The following PSKH1 variants were observed in gnomAD, a reference collection of about 807,000 sequenced individuals.
PSKH1 encodes the protein serine/threonine-protein kinase H1.
A neutral mutation model predicts 26.7 loss-of-function variants in PSKH1; 12 were observed. That is an observed-to-expected ratio of 0.45 (90% CI 0.29 to 0.73). The LOEUF (loss-of-function observed/expected upper bound fraction) is 0.73, where lower values mean the gene tolerates loss of function less well. Among genes scored for constraint, PSKH1 ranks in the 30% least tolerant of loss-of-function variants. The pLI is 0.11. For synonymous variants in PSKH1, 213 were observed against 234.3 expected (o/e 0.91, Z 0.83); for missense variants, 431 against 595.2 (o/e 0.72, Z 2.87).
chr16:67,906,959 C>T (rs2058157616), intron 1 of PSKH1, among the ~76,000 whole-genome samples: 1 of 151,628 alleles, frequency 6.6e-6, no homozygotes, highest in Admixed American at 6.6e-5. Flanking sequence ...GAGCTCAAGC[C>T]CCTCTGACTC....
intron 1 of PSKH1, among the ~76,000 whole-genome samples, chr16:67,894,924 T>A (rs1338036096): frequency 6.6e-6 from 1 of 150,466 alleles, no homozygotes; most frequent in East Asian, 1.9e-4. Flanking sequence ...TGAGTTAGTT[T>A]TTTTTTTTTT....
At chr16:67,920,494 A>G (rs1413401581) in intron 2 of PSKH1, among the ~76,000 whole-genome samples, 2 of 152,112 alleles carry the variant, frequency 1.3e-5, no homozygotes, top group African/African-American at 4.8e-5. Context: ...CCTGGCCTCA[A>G]GTGATCCTCC....
rs934742134 is a variant in PSKH1 at position 67,893,271 on chromosome 16, C to G, written c.-171C>G. The G allele has an allele frequency of 1.8e-5, 3 of 162,464 alleles. No individual in the cohort carries two copies. The highest frequency in any genetic ancestry group is 7.5e-5 in the African/African-American group (3 of 40,194). The allele number at this position is 162,464 out of a possible 1,614,324, so 10.1% of individuals were successfully genotyped here. A position where few individuals can be genotyped will look rare whatever the true frequency, so the allele number is the denominator to read the frequency against. On this transcript the variant is annotated 5_prime_UTR_variant, in exon 1 of 3. Transcript: ENST00000291041. ...GTGATGACGCCACGACGCTAACGCCCGAGAATGGCGGCGGCGGCGGCGGCG... is the reference window on the plus strand; with the variant it reads ...GTGATGACGCCACGACGCTAACGCCGGAGAATGGCGGCGGCGGCGGCGGCG...
intron 2 of PSKH1, among the ~76,000 whole-genome samples, chr16:67,910,594 T>TTCTCCTGCCTCAGCCTCCCAAGTGGC (rs2058170579): frequency 1.3e-5 from 2 of 152,230 alleles, no homozygotes; most frequent in Admixed American, 1.3e-4. Context: ...GTCCAAGTGA[T>TTCTCCTGCCTCAGCCTCCCAAGTGGC]TCTCCTGCCT....
chr16:67,896,777 G>T (rs541187069), intron 1 of PSKH1, among the ~76,000 whole-genome samples: 114 of 152,134 alleles, frequency 7.5e-4, no homozygotes, highest in African/African-American at 2.7e-3. Context: ...ATATTGTCTA[G>T]GTCTAATTGT....
intron 2 of PSKH1, among the ~76,000 whole-genome samples, chr16:67,913,824 T>C (rs2058179667): frequency 1.3e-5 from 2 of 152,110 alleles, no homozygotes; most frequent in African/African-American, 4.8e-5. Flanking sequence ...CCAGGTGGTG[T>C]TGATAACACT....
chr16:67,893,596 G>T (rs2058117970), intron 1 of PSKH1, among the ~76,000 whole-genome samples: 1 of 152,272 alleles, frequency 6.6e-6, no homozygotes, highest in African/African-American at 2.4e-5. Context: ...TGTCGTGCTG[G>T]ATAGCCCGTC....
intron 2 of PSKH1, among the ~76,000 whole-genome samples, chr16:67,914,213 G>A (rs2058180635): frequency 6.6e-6 from 1 of 151,986 alleles, no homozygotes; most frequent in African/African-American, 2.4e-5. Flanking sequence ...GCAATGGGGC[G>A]ATCTTGGCTC....
chr16:67,905,947 T>C (rs1304707717), intron 1 of PSKH1, among the ~76,000 whole-genome samples: 1 of 152,232 alleles, frequency 6.6e-6, no homozygotes, highest in Non-Finnish European at 1.5e-5. Flanking sequence ...TGTGTGTGTG[T>C]GTGTTAAAAT....
Position 67,899,693 on chromosome 16 carries a change from G to A in PSKH1, c.-71+6322G>A, listed in dbSNP as rs148309820. Among the ~76,000 whole-genome samples, 255 of 151,622 alleles carry A rather than the reference G, an allele frequency of 1.7e-3. 1 individual carries two copies. Among genetic ancestry groups the A allele is most frequent in the Middle Eastern group, 6.8e-3 (2 of 294 alleles). On this transcript the variant is annotated intron_variant, in intron 1 of 2. Transcript: ENST00000291041. ...GATGGAGTCCTGCTCTGTTGCCCAG[G>A]CTGGAGTGCAGTGGCGTGATCTCGG...
chr16:67,923,613 CT>C (rs2058208978), intron 2 of PSKH1, among the ~76,000 whole-genome samples: 1 of 152,244 alleles, frequency 6.6e-6, no homozygotes, highest in Non-Finnish European at 1.5e-5. Context: ...CCCTCTGTGC[CT>C]CGTGCTCCAC....
At chr16:67,904,493 C>T (rs1028285412) in intron 1 of PSKH1, among the ~76,000 whole-genome samples, 8 of 151,650 alleles carry the variant, frequency 5.3e-5, no homozygotes, top group African/African-American at 1.5e-4. Context: ...CATGAGCCAC[C>T]GCGCCCCGCC....
intron 1 of PSKH1, among the ~76,000 whole-genome samples, chr16:67,907,656 C>G (rs2058160469): frequency 6.6e-6 from 1 of 152,172 alleles, no homozygotes; most frequent in Non-Finnish European, 1.5e-5. Flanking sequence ...GGGGTTGATT[C>G]CAGCAGCTCT....
Position 67,909,299 on chromosome 16 carries a change from A to G in PSKH1, c.550A>G (p.Ile184Val). The change falls in exon 2 of 3, where the codon ATC (isoleucine) becomes GTC (valine). Residue 184 changes from isoleucine to valine, a missense_variant. Physicochemically the swap from Ile to Val is conservative, Grantham distance 29. Coordinates refer to ENST00000291041, the MANE Select transcript of PSKH1 (RefSeq NM_006742.3). This position sits in a 1 kb window ranked among gnomAD's most constrained non-coding sequence, Gnocchi z 7.8. ...CACTGGTGGAGAGCTCTTTGACCGC[A>G]TCATTGCCAAGGGCTCCTTCACCGA... ...LATGGELFDRIIAKGSFTERD... is the reference protein window; with the variant it reads ...LATGGELFDRVIAKGSFTERD... 1 of 1,614,068 alleles carries G rather than the reference A, an allele frequency of 6.2e-7. No homozygotes were observed. The highest frequency in any genetic ancestry group is 8.5e-7 in the Non-Finnish European group (1 of 1,180,008).
Position 67,927,686 on chromosome 16 carries a change from C to T in PSKH1, c.*44C>T. 1.9e-6 allele frequency: 3 copies of T among 1,553,556 alleles called. No individual in the cohort carries two copies. Among genetic ancestry groups the T allele is most frequent in the Non-Finnish European group, 2.6e-6 (3 of 1,153,666 alleles). ...CATGCAGCACGACCCAGCCTGGCCA[C>T]ACACTGTGGTGCCATCTGGGTCCGA... On this transcript the variant is annotated 3_prime_UTR_variant, in exon 3 of 3. Coordinates refer to ENST00000291041, the MANE Select transcript of PSKH1 (RefSeq NM_006742.3). The surrounding 1 kb of genome is among the most constrained non-coding windows in gnomAD (Gnocchi z 5.5).
At chr16:67,904,941 C>T (rs1472772290) in intron 1 of PSKH1, among the ~76,000 whole-genome samples, 1 of 151,736 alleles carries the variant, frequency 6.6e-6, no homozygotes, top group Non-Finnish European at 1.5e-5. Flanking sequence ...ATTCTCCTGC[C>T]TCAGCCTCCC....
chr16:67,908,872 G>A lies in PSKH1; in HGVS notation c.123G>A (p.Glu41=). Residue 41 remains glutamate, a synonymous_variant, in exon 2 of 3, where the codon GAG becomes GAA. Coordinates refer to ENST00000291041, the MANE Select transcript of PSKH1 (RefSeq NM_006742.3). The part of the protein sequence containing the change: ...KSDVYKHFIT[E]VDSVGPVKAG... The stretch of plus-strand genomic sequence containing the variant: ...ACGTGTACAAGCACTTCATCACAGA[G>A]GTGGACAGTGTTGGCCCTGTCAAAG... The A allele has an allele frequency of 6.2e-7, 1 of 1,614,196 alleles. No homozygotes were observed. The highest frequency in any genetic ancestry group is 8.5e-7 in the Non-Finnish European group (1 of 1,180,046).
At chr16:67,894,532 CATCTGTCCT>C (rs2058120768) in intron 1 of PSKH1, among the ~76,000 whole-genome samples, 1 of 152,248 alleles carries the variant, frequency 6.6e-6, no homozygotes, top group African/African-American at 2.4e-5. Context: ...TGGAAACTTA[CATCTGTCCT>C]ATAAAATCCA....
intron 1 of PSKH1, among the ~76,000 whole-genome samples, chr16:67,896,902 A>T (rs1319878789): frequency 2.0e-5 from 3 of 152,196 alleles, no homozygotes; most frequent in Non-Finnish European, 4.4e-5. Flanking sequence ...TCTGGTTGGC[A>T]TCTAGAACAG....
Sources: gnomAD v4.1 joint callset for allele counts (sites outside exome capture counted in the v4.1 genomes callset) on GRCh38, gnomAD v4.1.1 for gene constraint, Gnocchi (gnomAD v3.1) non-coding constraint, MANE v1.5 for transcripts, NCBI Gene and HGNC (gene_info 2026-07-23, HGNC 2026-07-21) for gene names.